The following LYPD6 variants were observed in gnomAD, a reference collection of about 807,000 sequenced individuals.
The protein encoded by LYPD6 is ly6/PLAUR domain-containing protein 6.
A neutral mutation model predicts 22.7 loss-of-function variants in LYPD6; 15 were observed. The observed-to-expected ratio is 0.66, with a 90% confidence interval of 0.44 to 1.02. The LOEUF is 1.02. Ranked by LOEUF, LYPD6 falls within the 50% of genes least tolerant of loss-of-function variation. The pLI, the probability that LYPD6 is intolerant of heterozygous loss-of-function variation, is 0.00. For synonymous variants in LYPD6, 72 were observed against 77.5 expected (o/e 0.93, Z 0.37); for missense variants, 189 against 208.4 (o/e 0.91, Z 0.57).
chr2:149,427,640 G>A (rs951464002), intron 1 of LYPD6, among the ~76,000 whole-genome samples: 2 of 152,188 alleles, frequency 1.3e-5, no homozygotes, highest in East Asian at 1.9e-4. Context: ...CATAATGACC[G>A]CATAATGACA....
intron 1 of LYPD6, among the ~76,000 whole-genome samples, chr2:149,433,872 G>A (rs886961090): frequency 2.0e-5 from 3 of 152,008 alleles, no homozygotes; most frequent in Non-Finnish European, 2.9e-5. Flanking sequence ...TGGCTTTTTG[G>A]TATTGTCCTT....
chr2:149,421,389 CAA>C (rs771199025), intron 1 of LYPD6, among the ~76,000 whole-genome samples: 279 of 67,392 alleles, frequency 4.1e-3, no homozygotes, highest in South Asian at 6.2e-3. Context: ...GACTCCATCT[CAA>C]AAAAAAAAAA....
At position 149,375,582 on chromosome 2, in the gene LYPD6, G is replaced by T. The variant is rs560058908; in HGVS notation, c.-72+44860G>T. 1.2e-4 allele frequency among the ~76,000 whole-genome samples: 18 copies of T among 152,080 alleles called. No homozygotes were observed. In the South Asian group the frequency reaches 3.7e-3, roughly 32 times the overall value. ...TAAAGAGAATCAGAAAAATGTTTGG[G>T]GTTCTCCCAACATTTTCTCTTTGTA... On this transcript the variant is annotated intron_variant, in intron 1 of 4. Transcript: ENST00000334166.
intron 1 of LYPD6, among the ~76,000 whole-genome samples, chr2:149,399,608 C>T (rs1165729663): frequency 6.7e-6 from 1 of 149,606 alleles, no homozygotes; most frequent in Non-Finnish European, 1.5e-5. Context: ...AAACTATTGG[C>T]CCAGAAGATC....
chr2:149,405,571 G>A lies in LYPD6; in HGVS notation c.-71-32067G>A, dbSNP rs183933176. 3.3e-3 allele frequency among the ~76,000 whole-genome samples: 508 copies of A among 152,258 alleles called. 3 individuals are homozygous for A. Among genetic ancestry groups the A allele is most frequent in the Non-Finnish European group, 5.5e-3 (374 of 68,018 alleles). On this transcript the variant is annotated intron_variant, in intron 1 of 4. Coordinates refer to ENST00000334166, the MANE Select transcript of LYPD6 (RefSeq NM_194317.5). ...TGGTAGTTTGTATTTCTGTGGGATTGGTGGTGATATCCGCTTTATCATTTT... is the reference window on the plus strand; with the variant it reads ...TGGTAGTTTGTATTTCTGTGGGATTAGTGGTGATATCCGCTTTATCATTTT...
intron 1 of LYPD6, among the ~76,000 whole-genome samples, chr2:149,334,336 A>G (rs973135333): frequency 1.3e-5 from 2 of 152,246 alleles, no homozygotes; most frequent in Non-Finnish European, 2.9e-5. Flanking sequence ...GGAACTACTC[A>G]TCTTTCATCA....
chr2:149,413,514 C>T (rs952688188), intron 1 of LYPD6, among the ~76,000 whole-genome samples: 2 of 152,202 alleles, frequency 1.3e-5, no homozygotes, highest in Non-Finnish European at 2.9e-5. Context: ...TTGTTCATCT[C>T]CCACTTATTT....
At chr2:149,421,847 A>G (rs1573794196) in intron 1 of LYPD6, among the ~76,000 whole-genome samples, 1 of 152,110 alleles carries the variant, frequency 6.6e-6, no homozygotes, top group East Asian at 1.9e-4. Context: ...CTCCTTTTAT[A>G]GGAGAAAACA....
intron 3 of LYPD6, among the ~76,000 whole-genome samples, chr2:149,463,888 A>G (rs1045830273): frequency 3.3e-5 from 5 of 152,062 alleles, no homozygotes; most frequent in African/African-American, 1.2e-4. Context: ...GCAGGAGGGA[A>G]GAGGATGTGA....
At chr2:149,481,537 A>G in the LYPD6 span, among the ~76,000 whole-genome samples, 1 of 148,082 alleles carries the variant, frequency 6.8e-6, no homozygotes, top group East Asian at 1.9e-4. Flanking sequence ...TGTAATTACA[A>G]AAACAAAACA....
At chr2:149,344,409 C>T (rs1283579403) in intron 1 of LYPD6, among the ~76,000 whole-genome samples, 5 of 152,098 alleles carry the variant, frequency 3.3e-5, no homozygotes, top group Admixed American at 3.3e-4. Context: ...ACACCCTGCC[C>T]AATATCCTAA....
At chr2:149,448,933 AG>A (rs1478458426) in intron 2 of LYPD6, 115 bp from the exon 3 acceptor site, 2 of 782,568 alleles carry the variant, frequency 2.6e-6, no homozygotes, top group Admixed American at 5.7e-5. Context: ...TGAAGGTTTA[AG>A]AAACTGCTAA....
At chr2:149,462,466 A>G (rs1318905652) in intron 3 of LYPD6, among the ~76,000 whole-genome samples, 1 of 151,970 alleles carries the variant, frequency 6.6e-6, no homozygotes, top group Non-Finnish European at 1.5e-5. Context: ...AAGACAACAT[A>G]GTAAAATGTC....
chr2:149,333,307 G>T (rs1680973623), intron 1 of LYPD6, among the ~76,000 whole-genome samples: 1 of 152,034 alleles, frequency 6.6e-6, no homozygotes, highest in Non-Finnish European at 1.5e-5. Flanking sequence ...ATTTTTTAAG[G>T]GCTCATCATC....
chr2:149,332,343 A>G (rs1047109703), intron 1 of LYPD6, among the ~76,000 whole-genome samples: 1 of 152,210 alleles, frequency 6.6e-6, no homozygotes, highest in African/African-American at 2.4e-5. Context: ...CAATTAAGAC[A>G]GACAATTGAT....
At chr2:149,428,755 G>A (rs898751525) in intron 1 of LYPD6, among the ~76,000 whole-genome samples, 2 of 152,208 alleles carry the variant, frequency 1.3e-5, no homozygotes, top group African/African-American at 4.8e-5. Flanking sequence ...AGAGCAGAAT[G>A]CATTGCGAAT....
chr2:149,333,831 C>T (rs1199263594), intron 1 of LYPD6, among the ~76,000 whole-genome samples: 1 of 152,108 alleles, frequency 6.6e-6, no homozygotes, highest in Admixed American at 6.5e-5. Context: ...AGATGTAACA[C>T]AGATTGCAGC....
chr2:149,331,974 A>G (rs1048292034), intron 1 of LYPD6, among the ~76,000 whole-genome samples: 5 of 152,216 alleles, frequency 3.3e-5, no homozygotes, highest in African/African-American at 1.2e-4. Flanking sequence ...CTAGCTGTTT[A>G]AAATTTTGGA....
intron 3 of LYPD6, among the ~76,000 whole-genome samples, chr2:149,467,089 A>C (rs762703940): frequency 1.3e-5 from 2 of 152,212 alleles, no homozygotes; most frequent in Admixed American, 6.5e-5. Flanking sequence ...CTTCAACAGA[A>C]AAGCAATCAC....
Sources: gnomAD v4.1 joint callset for allele counts (sites outside exome capture counted in the v4.1 genomes callset) on GRCh38, gnomAD v4.1.1 for gene constraint, MANE v1.5 for transcripts, NCBI Gene and HGNC (gene_info 2026-07-23, HGNC 2026-07-21) for gene names.